The following CSMD1 variants were observed in gnomAD, a reference collection of about 807,000 sequenced individuals.
The protein encoded by CSMD1 is CUB and Sushi multiple domains 1, also known as CUB and sushi domain-containing protein 1.
Under a neutral mutation model 417.5 loss-of-function variants are expected in CSMD1, and 213 were observed. The observed-to-expected ratio is 0.51, with a 90% confidence interval of 0.46 to 0.57. The LOEUF (loss-of-function observed/expected upper bound fraction) is 0.57. Ranked by LOEUF, CSMD1 falls within the 20% of genes least tolerant of loss-of-function variation. CSMD1 has a pLI of 0.00. For missense variants in CSMD1, 6,923 were observed against 4,529.7 expected, an observed-to-expected ratio of 1.53 and a Z score of -15.17; for synonymous variants, 2,862 against 1,736.8, an observed-to-expected ratio of 1.65 and a Z score of -16.11.
rs190348510 is a variant in CSMD1, at chr8:3,742,044, C to T, written c.931+11886G>A. Among the ~76,000 whole-genome samples, 4 of 151,320 alleles carry T rather than the reference C, an allele frequency of 2.6e-5. No individual in the cohort carries two copies. In the East Asian group the frequency reaches 7.8e-4, roughly 30 times the overall value. On this transcript the variant is annotated intron_variant, in intron 6 of 69. Coordinates refer to ENST00000635120, the MANE Select transcript of CSMD1 (RefSeq NM_033225.6). Reference sequence around the variant, plus strand: ...TGGAATTCTCTCCTTTTCTTCCCAGCTTCACACTCATTCAGCACATTCTTG... The same window carrying T: ...TGGAATTCTCTCCTTTTCTTCCCAGTTTCACACTCATTCAGCACATTCTTG...
intron 3 of CSMD1, among the ~76,000 whole-genome samples, chr8:4,209,543 T>C (rs1800182229): frequency 6.6e-6 from 1 of 152,198 alleles, no homozygotes; most frequent in African/African-American, 2.4e-5. Flanking sequence ...GTGAGATTCC[T>C]TGCTGCCATG....
chr8:4,032,498 C>T (rs930182386), intron 3 of CSMD1, among the ~76,000 whole-genome samples: 1 of 152,156 alleles, frequency 6.6e-6, no homozygotes, highest in Non-Finnish European at 1.5e-5. Flanking sequence ...ATAAGAAATA[C>T]TGCAAGAGTG....
rs1157468166 is a variant in CSMD1, at chr8:4,988,463, AT to A, written c.85+5868del. On this transcript the variant is annotated intron_variant, in intron 1 of 69. Coordinates refer to ENST00000635120, the MANE Select transcript of CSMD1 (RefSeq NM_033225.6). Reference sequence around the variant, plus strand: ...TTTAACAAAAAAATATGCCTGCATGATCTTTTTTCTTTTCATTCCCCAAAGA... The same window carrying A: ...TTTAACAAAAAAATATGCCTGCATGACTTTTTTCTTTTCATTCCCCAAAGA... 1.3e-5 allele frequency among the ~76,000 whole-genome samples: 2 copies of A among 152,208 alleles called. 1 individual carries two copies. Among genetic ancestry groups the A allele is most frequent in the Admixed American group, 1.3e-4 (2 of 15,274 alleles).
chr8:3,187,974 C>G lies in CSMD1; in HGVS notation c.5524-9G>C, dbSNP rs531769729. 2 of 1,608,712 alleles carry G rather than the reference C, an allele frequency of 1.2e-6. No individual in the cohort carries two copies. Among genetic ancestry groups the G allele is most frequent in the Non-Finnish European group, 1.7e-6 (2 of 1,177,264 alleles). On this transcript the variant is annotated splice_polypyrimidine_tract_variant and intron_variant, in intron 35 of 69. Transcript: ENST00000635120. ...AAACTGATCACTTGGATCTACCAAACCATGACATTAAGTTAATATTTATTT... is the reference window on the plus strand; with the variant it reads ...AAACTGATCACTTGGATCTACCAAAGCATGACATTAAGTTAATATTTATTT...
chr8:4,689,196 T>C (rs1806596401), intron 1 of CSMD1, among the ~76,000 whole-genome samples: 1 of 152,214 alleles, frequency 6.6e-6, no homozygotes, highest in African/African-American at 2.4e-5. Context: ...GTTTATTCTT[T>C]TGTGTTCAGA....
chr8:4,714,055 G>A lies in CSMD1; in HGVS notation c.86-76497C>T, dbSNP rs1010057913. Among the ~76,000 whole-genome samples, 11 of 152,180 alleles carry A rather than the reference G, an allele frequency of 7.2e-5. No individual in the cohort carries two copies. In the East Asian group the frequency reaches 2.1e-3, roughly 29 times the overall value. On this transcript the variant is annotated intron_variant, in intron 1 of 69. Coordinates refer to ENST00000635120, the MANE Select transcript of CSMD1 (RefSeq NM_033225.6). ...AGCTACTCGGGAGACTGAGGCAGGA[G>A]GATCACCTGAACCCGGGAGACAGAG...
At chr8:3,400,651 T>A (rs977284527) in intron 15 of CSMD1, among the ~76,000 whole-genome samples, 3 of 151,972 alleles carry the variant, frequency 2.0e-5, no homozygotes, top group East Asian at 1.9e-4. Context: ...ATCTTTGCAA[T>A]AGAATGTTAA....
intron 5 of CSMD1, among the ~76,000 whole-genome samples, chr8:3,930,135 C>T (rs1403550320): frequency 6.7e-6 from 1 of 150,132 alleles, no homozygotes; most frequent in African/African-American, 2.5e-5. Flanking sequence ...AAGCAGTACC[C>T]TACCATTGTA....
intron 12 of CSMD1, among the ~76,000 whole-genome samples, chr8:3,439,309 ATTTT>A (rs1554552766): frequency 9.6e-5 from 6 of 62,458 alleles, no homozygotes; most frequent in South Asian, 1.5e-3. Flanking sequence ...ATATATATAT[ATTTT>A]TTTTTTTAAT....
intron 26 of CSMD1, among the ~76,000 whole-genome samples, chr8:3,272,273 C>T (rs925785942): frequency 6.9e-6 from 1 of 144,276 alleles, no homozygotes; most frequent in Non-Finnish European, 1.5e-5. Flanking sequence ...GGGCTCTGTT[C>T]TATTCCATTG....
At chr8:3,770,087 C>T (rs373756015) in intron 5 of CSMD1, among the ~76,000 whole-genome samples, 2 of 152,182 alleles carry the variant, frequency 1.3e-5, no homozygotes, top group African/African-American at 4.8e-5. Context: ...CCAGATTACT[C>T]CCTTCTTTCC....
intron 2 of CSMD1, among the ~76,000 whole-genome samples, chr8:4,560,719 G>C (rs1798292506): frequency 1.3e-5 from 2 of 152,180 alleles, no homozygotes; most frequent in Admixed American, 6.5e-5. Context: ...CAACACTGTG[G>C]TTTGAGACTC....
chr8:4,912,764 T>C (rs1167014524), intron 1 of CSMD1, among the ~76,000 whole-genome samples: 1 of 150,764 alleles, frequency 6.6e-6, no homozygotes, highest in Admixed American at 6.6e-5. Context: ...CCAAATGACA[T>C]AAAATGACAT....
intron 2 of CSMD1, among the ~76,000 whole-genome samples, chr8:4,470,663 G>A (rs567529089): frequency 6.6e-6 from 1 of 152,118 alleles, no homozygotes; most frequent in Non-Finnish European, 1.5e-5. Flanking sequence ...TTTCTAAACG[G>A]CCATTAGTGC....
intron 25 of CSMD1, among the ~76,000 whole-genome samples, chr8:3,298,719 G>T (rs555277924): frequency 6.6e-6 from 1 of 152,186 alleles, no homozygotes; most frequent in African/African-American, 2.4e-5. Context: ...CTCCCAAAGT[G>T]CTAGGATTAC....
chr8:3,708,685 C>G (rs2291213), intron 6 of CSMD1, among the ~76,000 whole-genome samples, 194 bp from the exon 7 acceptor site: 19,286 of 152,160 alleles, frequency 0.13, 1,194 homozygotes, highest in Non-Finnish European at 0.15. Flanking sequence ...TATCAAGCAG[C>G]AAGATCACAT....
intron 3 of CSMD1, among the ~76,000 whole-genome samples, chr8:4,410,442 A>G (rs1355880510): frequency 2.0e-5 from 3 of 152,200 alleles, no homozygotes; most frequent in Non-Finnish European, 4.4e-5. Flanking sequence ...TCTAGCGTCC[A>G]GATAGTATAT....
chr8:3,708,329 G>A (rs938527826), intron 7 of CSMD1, 85 bp downstream of exon 7: 3 of 1,055,640 alleles, frequency 2.8e-6, no homozygotes, highest in African/African-American at 1.6e-5. Context: ...GGAAGGTGGT[G>A]GGTGGGATCG....
chr8:3,680,649 T>C (rs1799604589), intron 7 of CSMD1, among the ~76,000 whole-genome samples: 1 of 152,094 alleles, frequency 6.6e-6, no homozygotes, highest in Admixed American at 6.6e-5. Flanking sequence ...ACTATTCCAA[T>C]CAATAGAAAA....
Sources: allele counts gnomAD v4.1 joint callset (sites outside exome capture counted in the v4.1 genomes callset), GRCh38; gene constraint gnomAD v4.1.1; transcripts MANE v1.5; gene names NCBI Gene and HGNC (gene_info 2026-07-23, HGNC 2026-07-21).